ADAMTS12: variants seen among roughly 807,000 people sequenced by gnomAD.
ADAMTS12 encodes A disintegrin and metalloproteinase with thrombospondin motifs 12.
In ADAMTS12, 118 loss-of-function variants were observed where a neutral mutation model predicts 167.8. The ratio of observed to expected loss-of-function variants is 0.70; its 90% CI spans 0.61 to 0.82. The LOEUF is 0.82. Among genes scored for constraint, ADAMTS12 ranks in the 40% least tolerant of loss-of-function variants. The probability of loss-of-function intolerance (pLI) is 0.00; values close to 1 mark genes in which losing one functional copy is unlikely to be tolerated. For missense variants in ADAMTS12, 1,916 were observed against 1,998.8 expected (o/e 0.96, Z 0.79); for synonymous variants, 704 against 716.9 (o/e 0.98, Z 0.29).
intron 20 of ADAMTS12, 74 bp from the exon 21 acceptor site, chr5:33,549,457 G>C: frequency 6.6e-7 from 1 of 1,518,204 alleles, no homozygotes. Context: ...CCTCAGCCGT[G>C]GAGGCGCCAG....
intron 2 of ADAMTS12, among the ~76,000 whole-genome samples, chr5:33,788,149 C>T (rs533369859): frequency 1.3e-5 from 2 of 152,150 alleles, no homozygotes; most frequent in African/African-American, 4.8e-5. Context: ...AATATGGACG[C>T]CTGTCCACAG....
chr5:33,811,466 G>A (rs912279751), intron 2 of ADAMTS12, among the ~76,000 whole-genome samples: 22 of 152,150 alleles, frequency 1.4e-4, no homozygotes, highest in East Asian at 3.9e-4. Flanking sequence ...AGGGGTGATC[G>A]TCATGCCAAT....
chr5:33,545,697 T>C (rs1445490973), intron 22 of ADAMTS12, among the ~76,000 whole-genome samples: 1 of 152,134 alleles, frequency 6.6e-6, no homozygotes, highest in Non-Finnish European at 1.5e-5. Context: ...AAGGATGAGT[T>C]CATGTCCTTT....
intron 3 of ADAMTS12, among the ~76,000 whole-genome samples, chr5:33,687,220 T>C (rs78730148): frequency 6.6e-6 from 1 of 152,014 alleles, no homozygotes; most frequent in African/African-American, 2.4e-5. Context: ...TAAAGGCATA[T>C]ATCTATTTGA....
intron 3 of ADAMTS12, among the ~76,000 whole-genome samples, chr5:33,699,989 A>G (rs10045599): frequency 0.048 from 7,338 of 152,262 alleles, 345 homozygotes; most frequent in East Asian, 0.15. Context: ...TAAAGCCACA[A>G]TGAGATATTG....
chr5:33,531,999 C>A (rs1447952043), intron 23 of ADAMTS12, among the ~76,000 whole-genome samples: 2 of 152,164 alleles, frequency 1.3e-5, no homozygotes, highest in African/African-American at 4.8e-5. Flanking sequence ...CTCCCTATTG[C>A]TGTGAAACAA....
chr5:33,767,639 C>T (rs1401248949), intron 2 of ADAMTS12, among the ~76,000 whole-genome samples: 1 of 152,076 alleles, frequency 6.6e-6, no homozygotes, highest in Non-Finnish European at 1.5e-5. Context: ...ATTTGGGAAG[C>T]ATGATTTTAA....
chr5:33,843,725 T>C (rs930907693), intron 2 of ADAMTS12, among the ~76,000 whole-genome samples: 1 of 152,134 alleles, frequency 6.6e-6, no homozygotes, highest in South Asian at 2.1e-4. Flanking sequence ...AGACCATGAA[T>C]AATAACAAAT....
chr5:33,683,098 T>C lies in ADAMTS12; in HGVS notation c.835A>G (p.Thr279Ala), dbSNP rs747171071. Residue 279 changes from threonine to alanine, a missense_variant, in exon 5 of 24, where the codon ACT becomes GCT. By Grantham distance (58) the Thr-to-Ala change is moderately conservative (BLOSUM62 0). Transcript: ENST00000504830. Reference sequence around the variant, plus strand: ...ATGCTTGGGTTATGGAACAACCCAGTGACCTAGGGTCAGAAATAGAAAACC... The same window carrying C: ...ATGCTTGGGTTATGGAACAACCCAGCGACCTAGGGTCAGAAATAGAAAACC... The part of the protein sequence containing the change: ...SYILTIMNMV[T>A]GLFHNPSIGN... 1 of 1,611,198 alleles carries C rather than the reference T, an allele frequency of 6.2e-7. No homozygotes were observed.
intron 14 of ADAMTS12, among the ~76,000 whole-genome samples, chr5:33,623,931 C>T (rs1386092228): frequency 6.6e-6 from 1 of 152,070 alleles, no homozygotes; most frequent in Non-Finnish European, 1.5e-5. Context: ...ATGCTTGTTC[C>T]CAAAGGGGAT....
At chr5:33,722,793 T>C (rs1379891806) in intron 3 of ADAMTS12, among the ~76,000 whole-genome samples, 2 of 152,192 alleles carry the variant, frequency 1.3e-5, no homozygotes, top group East Asian at 1.9e-4. Flanking sequence ...AGCAAGGTGA[T>C]GGTTATGTCA....
intron 14 of ADAMTS12, among the ~76,000 whole-genome samples, chr5:33,623,120 T>A (rs1739412258): frequency 6.6e-6 from 1 of 152,190 alleles, no homozygotes; most frequent in Non-Finnish European, 1.5e-5. Context: ...AGTAACTTCA[T>A]CCTGGGTAGG....
intron 3 of ADAMTS12, among the ~76,000 whole-genome samples, chr5:33,720,798 G>C (rs1452640958): frequency 6.6e-6 from 1 of 152,078 alleles, no homozygotes; most frequent in Non-Finnish European, 1.5e-5. Context: ...TTCAACTAAA[G>C]CTTAACATAT....
At chr5:33,817,443 G>A (rs1192275692) in intron 2 of ADAMTS12, among the ~76,000 whole-genome samples, 1 of 152,018 alleles carries the variant, frequency 6.6e-6, no homozygotes, top group Non-Finnish European at 1.5e-5. Context: ...TCAAGTTCCT[G>A]CCTTTTCCAT....
chr5:33,833,922 G>C (rs1433854781), intron 2 of ADAMTS12, among the ~76,000 whole-genome samples: 1 of 152,224 alleles, frequency 6.6e-6, no homozygotes, highest in Admixed American at 6.5e-5. Context: ...ACTGTCATAG[G>C]AAGGTACCAC....
chr5:33,835,951 CTCTGTGTGTG>C lies in ADAMTS12; in HGVS notation c.489+45158_489+45167del, dbSNP rs759199915. Among the ~76,000 whole-genome samples, 178 of 37,600 alleles carry C rather than the reference CTCTGTGTGTG, an allele frequency of 4.7e-3. 7 individuals carry two copies. The highest frequency in any genetic ancestry group is 0.014 in the African/African-American group (163 of 11,338). 24.7% of individuals were successfully genotyped at this position (37,600 alleles called of 152,430 possible). A position where few individuals can be genotyped will look rare whatever the true frequency, so the allele number is the denominator to read the frequency against. ...TCTCTCTCTCTCTCTCTCTCTCTCT[CTCTGTGTGTG>C]TGTGTGTGTCCATCTGGGCAGTTTA... On this transcript the variant is annotated intron_variant, in intron 2 of 23. Transcript: ENST00000504830.
intron 4 of ADAMTS12, among the ~76,000 whole-genome samples, 175 bp downstream of exon 4, chr5:33,683,684 C>T (rs767582270): frequency 2.6e-5 from 4 of 152,112 alleles, no homozygotes; most frequent in Non-Finnish European, 4.4e-5. Context: ...AAGGGAAAGA[C>T]TAATTCATCC....
In ADAMTS12 at chr5:33,681,459, T is replaced by G. The variant is rs143194820; in HGVS notation, c.915+1559A>C. On this transcript the variant is annotated intron_variant, in intron 5 of 23. Coordinates refer to ENST00000504830, the MANE Select transcript of ADAMTS12 (RefSeq NM_030955.4). Reference sequence around the variant, plus strand: ...TGGCTGGTCCTACCATTCATTACATTTCACTTCATTCATTCATTTGTGTCC... The same window carrying G: ...TGGCTGGTCCTACCATTCATTACATGTCACTTCATTCATTCATTTGTGTCC... 1.9e-3 allele frequency among the ~76,000 whole-genome samples: 290 copies of G among 152,320 alleles called. 2 individuals carry two copies. Among genetic ancestry groups the G allele is most frequent in the African/African-American group, 6.6e-3 (273 of 41,576 alleles).
At position 33,849,433 on chromosome 5, in the gene ADAMTS12, TAGCAATATATATATGTATTGCAC is replaced by T. The variant is rs1561306722; in HGVS notation, c.489+31663_489+31685del. 1.1e-4 allele frequency among the ~76,000 whole-genome samples: 13 copies of T among 115,170 alleles called. 1 individual carries two copies. The highest frequency in any genetic ancestry group is 3.4e-4 in the South Asian group (1 of 2,962). 75.6% of individuals were successfully genotyped at this position (115,170 alleles called of 152,430 possible). ...CACAGCAATATATATATGTATTGAA[TAGCAATATATATATGTATTGCAC>T]AGCAATATATATATATGTATTGCAC... On this transcript the variant is annotated intron_variant, in intron 2 of 23. Transcript: ENST00000504830.
Sources: gnomAD v4.1 joint callset for allele counts (sites outside exome capture counted in the v4.1 genomes callset) on GRCh38, gnomAD v4.1.1 for gene constraint, MANE v1.5 for transcripts, NCBI Gene and HGNC (gene_info 2026-07-23, HGNC 2026-07-21) for gene names.